Variants in MYO15A observed in about 807,000 individuals in gnomAD.
MYO15A encodes the protein myosin XVA.
In MYO15A, 308 loss-of-function variants were observed where a neutral mutation model predicts 394.6. That is an observed-to-expected ratio of 0.78 (90% CI 0.71 to 0.86). The LOEUF is 0.86. Among genes scored for constraint, MYO15A ranks in the 40% least tolerant of loss-of-function variants. The pLI, the probability that MYO15A is intolerant of heterozygous loss-of-function variation, is 0.00. For synonymous variants in MYO15A, 1,957 were observed against 2,003.8 expected (o/e 0.98, Z 0.62); for missense variants, 4,606 against 4,799.1 (o/e 0.96, Z 1.19).
chr17:18,149,943 C>G (rs1372679598), intron 35 of MYO15A: 3 of 236,308 alleles, frequency 1.3e-5, no homozygotes, highest in Non-Finnish European at 2.3e-5. Context: ...ACAACAAGAC[C>G]CTGTCTCAAA....
chr17:18,127,832 A>AAGAT (rs1555541553), intron 7 of MYO15A, among the ~76,000 whole-genome samples: 4 of 40,564 alleles, frequency 9.9e-5, no homozygotes, highest in African/African-American at 2.2e-4. Flanking sequence ...AAGAAAAAAA[A>AAGAT]AGATATATAT....
chr17:18,150,878 C>T lies in MYO15A; in HGVS notation c.7438C>T (p.Pro2480Ser). The T allele has an allele frequency of 6.3e-7, 1 of 1,598,260 alleles. No homozygotes were observed. Among genetic ancestry groups the T allele is most frequent in the South Asian group, 1.1e-5 (1 of 89,058 alleles). ...GCAGGCCACGGCACTCCAGCAGCAG[C>T]CCCTGAGTGCTGCCCTGAGATCCTT... is the stretch of plus-strand genomic sequence containing the variant. ...TLQATALQQQ[P>S]LSAALRSLPA... is the part of the protein sequence containing the mutation. The change falls in exon 38 of 66, where the codon CCC becomes TCC. Residue 2480 changes from proline (P) to serine (S), a missense_variant. Physicochemically the swap from Pro to Ser is moderately conservative, Grantham distance 74. Around this residue, in one of 2 missense-constraint regions of MYO15A, gnomAD observed 2,776 missense variants for 3,109.3 expected, o/e 0.89. Transcript: ENST00000647165. The surrounding 1 kb of genome is among the most constrained non-coding windows in gnomAD (Gnocchi z 4.4).
chr17:18,151,644 T>C (rs1210525608), intron 40 of MYO15A, 117 bp downstream of exon 40: 3 of 1,390,746 alleles, frequency 2.2e-6, no homozygotes, highest in Middle Eastern at 2.0e-4. Context: ...GGGAGGGAGT[T>C]TCTTTATACT....
chr17:18,120,056 C>T lies in MYO15A; in HGVS notation c.1256C>T (p.Pro419Leu), dbSNP rs1439223481. 5 of 1,613,474 alleles carry T rather than the reference C, an allele frequency of 3.1e-6. No homozygotes were observed. The highest frequency in any genetic ancestry group is 1.3e-5 in the African/African-American group (1 of 75,058). The change falls in exon 2 of 66, where the codon CCG becomes CTG. Residue 419 changes from proline (P) to leucine (L), a missense_variant. Transcript: ENST00000647165. ...FVYPWVPPPI[P>L]SPHNPYAHAM... is the part of the protein sequence containing the mutation. The stretch of plus-strand genomic sequence containing the variant: ...TACCCCTGGGTACCACCGCCCATCC[C>T]GTCGCCCCACAACCCGTATGCCCAC...
At position 18,171,722 on chromosome 17, in the gene MYO15A, G is replaced by A. The variant is rs1215452827; in HGVS notation, c.10167G>A (p.Arg3389=). Residue 3389 remains arginine, a synonymous_variant, in exon 63 of 66, where the codon CGG becomes CGA. Coordinates refer to ENST00000647165, the MANE Select transcript of MYO15A (RefSeq NM_016239.4). ...GGCTCAACCTGGTCAGCCAGCACCG[G>A]CAGCAGACACAGGCGCTCAGCCCCC... ...STWLNLVSQH[R]QQTQALSPHQ... The A allele has an allele frequency of 6.2e-7, 1 of 1,612,634 alleles. No homozygotes were observed. The highest frequency in any genetic ancestry group is 8.5e-7 in the Non-Finnish European group (1 of 1,180,012).
In MYO15A at chr17:18,152,100, G is replaced by A. The variant is rs1392292249; in HGVS notation, c.7894-12G>A. 2 of 1,551,440 alleles carry A rather than the reference G, an allele frequency of 1.3e-6. No individual in the cohort carries two copies. The highest frequency in any genetic ancestry group is 2.7e-5 in the African/African-American group (2 of 73,172). ...CTGTTGCCCCCTGAGCAGTCTCTTT[G>A]GGGTGGGACAGGTGTCCAGAGAGGC... On this transcript the variant is annotated splice_polypyrimidine_tract_variant and intron_variant, in intron 41 of 65. Coordinates refer to ENST00000647165, the MANE Select transcript of MYO15A (RefSeq NM_016239.4).
rs138861831 is a variant in MYO15A at position 18,138,127 on chromosome 17, C to T, written c.4888C>T (p.Arg1630Cys). ...VFQEEQEEYI[R>C]EQIDWQEITF... ...CCACTGCCTGCAGGAGGAGTACATC[C>T]GTGAGCAGATAGACTGGCAGGAGAT... Residue 1630 changes from arginine (R) to cysteine (C), a missense_variant, in exon 17 of 66, where the codon CGT (arginine) becomes TGT (cysteine). Arg to Cys is a radical substitution (Grantham distance 180). This residue lies in a region of MYO15A where 2,776 missense variants were observed against 3,109.3 expected (regional missense o/e 0.89). Transcript: ENST00000647165. 6.3e-4 allele frequency: 1,022 copies of T among 1,612,058 alleles called. 5 individuals carry two copies. The African/African-American group carries it at 9.5e-3, about 15-fold the overall frequency.
chr17:18,153,948 G>A lies in MYO15A; in HGVS notation c.8088+52G>A, dbSNP rs753349241. 1.2e-6 allele frequency: 2 copies of A among 1,610,148 alleles called. No homozygotes were observed. Among genetic ancestry groups the A allele is most frequent in the South Asian group, 1.1e-5 (1 of 90,970 alleles). On this transcript the variant is annotated intron_variant, in intron 43 of 65. Coordinates refer to ENST00000647165, the MANE Select transcript of MYO15A (RefSeq NM_016239.4). The surrounding 1 kb of genome is among the most constrained non-coding windows in gnomAD (Gnocchi z 4.1). ...AGGGGCTGAAGCGGGGCAGGGGAGG[G>A]GCTGAAGCGAGCAGAGGAGGGTCTA...
chr17:18,175,070 TCTC>T (rs898658707), intron 65 of MYO15A, among the ~76,000 whole-genome samples: 6 of 148,256 alleles, frequency 4.0e-5, no homozygotes, highest in African/African-American at 1.5e-4. Context: ...TCTGTGGTGT[TCTC>T]CTACCTCTTT....
rs574570317 is a variant in MYO15A at position 18,148,386 on chromosome 17, G to A, written c.6692-110G>A. 159 of 1,472,540 alleles carry A rather than the reference G, an allele frequency of 1.1e-4. 1 individual carries two copies. In the East Asian group the frequency reaches 3.9e-3, roughly 36 times the overall value. 91.2% of individuals were successfully genotyped at this position (1,472,540 alleles called of 1,614,324 possible). A position where few individuals can be genotyped will look rare whatever the true frequency, so the allele number is the denominator to read the frequency against. On this transcript the variant is annotated intron_variant, in intron 31 of 65. Coordinates refer to ENST00000647165, the MANE Select transcript of MYO15A (RefSeq NM_016239.4). The surrounding 1 kb of genome is among the most constrained non-coding windows in gnomAD (Gnocchi z 4.8). ...ACCTGGCCCAGGAAAGGGGAGCCAG[G>A]GAAGTGAGGCTACAGATACAGGAAG... is the stretch of plus-strand genomic sequence containing the variant.
At chr17:18,177,060 TCCTTGCA>T (rs1311299855) in intron 65 of MYO15A, 2 of 152,380 alleles carry the variant, frequency 1.3e-5, no homozygotes, top group East Asian at 3.9e-4. Flanking sequence ...TTTTCCCACT[TCCTTGCA>T]GCACCACCTG....
chr17:18,179,604 T>A lies in MYO15A; in HGVS notation c.*734T>A, dbSNP rs1327310532. The A allele has an allele frequency of 6.5e-6, 1 of 152,746 alleles. No individual in the cohort carries two copies. The highest frequency in any genetic ancestry group is 2.4e-5 in the African/African-American group (1 of 41,370). The allele number at this position is 152,746 out of a possible 1,614,324, so 9.5% of individuals were successfully genotyped here. A position where few individuals can be genotyped will look rare whatever the true frequency, so the allele number is the denominator to read the frequency against. ...GTTTGGGAAAAGCCTTCTTGGAAAATGGGACATTAGCATTGAGTTTTGAAA... is the reference window on the plus strand; with the variant it reads ...GTTTGGGAAAAGCCTTCTTGGAAAAAGGGACATTAGCATTGAGTTTTGAAA... On this transcript the variant is annotated 3_prime_UTR_variant, in exon 66 of 66. Transcript: ENST00000647165.
chr17:18,167,075 C>T (rs753510727), intron 61 of MYO15A, among the ~76,000 whole-genome samples: 5 of 152,206 alleles, frequency 3.3e-5, no homozygotes, highest in African/African-American at 7.2e-5. Context: ...AATATGGTCA[C>T]GTAGATTTTG....
At position 18,121,941 on chromosome 17, in the gene MYO15A, C is replaced by T. The variant is rs368611576; in HGVS notation, c.3141C>T (p.Pro1047=). The T allele has an allele frequency of 5.0e-6, 8 of 1,613,314 alleles. No homozygotes were observed. In the East Asian group the frequency reaches 1.1e-4, roughly 22 times the overall value. The change falls in exon 2 of 66, where the codon CCC becomes CCT. Residue 1047 remains proline (P), a synonymous_variant. Coordinates refer to ENST00000647165, the MANE Select transcript of MYO15A (RefSeq NM_016239.4). This position sits in a 1 kb window ranked among gnomAD's most constrained non-coding sequence, Gnocchi z 5.3. ...CTCCCCCCAAGGATATCACTCCCCC[C>T]AAGGATGTCCTCCCAGAGCAAAAGA... ...DVTPPKDITP[P]KDVLPEQKTL...
At chr17:18,144,135 A>G (rs1477385214) in intron 28 of MYO15A, 135 bp downstream of exon 28, 3 of 1,431,298 alleles carry the variant, frequency 2.1e-6, no homozygotes, top group Non-Finnish European at 2.9e-6. Flanking sequence ...TTGCTGGATC[A>G]TAGGGAATCT....
intron 61 of MYO15A, among the ~76,000 whole-genome samples, chr17:18,167,068 A>G (rs1319810429): frequency 6.6e-6 from 1 of 152,208 alleles, no homozygotes; most frequent in Non-Finnish European, 1.5e-5. Context: ...TGTACACAAT[A>G]TGGTCACGTA....
chr17:18,172,418 C>T, intron 64 of MYO15A, 128 bp downstream of exon 64: 1 of 1,360,332 alleles, frequency 7.4e-7, no homozygotes, highest in South Asian at 1.2e-5. Context: ...TGATCTCAGG[C>T]AAGTCTCTTC....
At chr17:18,128,680 G>T (rs1330413692) in intron 7 of MYO15A, among the ~76,000 whole-genome samples, 1 of 152,240 alleles carries the variant, frequency 6.6e-6, no homozygotes, top group Non-Finnish European at 1.5e-5. Flanking sequence ...GCCAGGCACA[G>T]TGCTGGGTTC....
Position 18,148,651 on chromosome 17 carries a change from A to G in MYO15A, c.6764+83A>G. 6.5e-7 allele frequency: 1 copy of G among 1,543,074 alleles called. No homozygotes were observed. Among genetic ancestry groups the G allele is most frequent in the Non-Finnish European group, 8.8e-7 (1 of 1,140,288 alleles). ...GAGGTCAGATCCCCCAGAGGGTCCC[A>G]TAGGGTCCATTCTGTTCATGTTTAG... On this transcript the variant is annotated intron_variant, in intron 32 of 65. Coordinates refer to ENST00000647165, the MANE Select transcript of MYO15A (RefSeq NM_016239.4). This position sits in a 1 kb window ranked among gnomAD's most constrained non-coding sequence, Gnocchi z 4.8.
Sources: allele counts gnomAD v4.1 joint callset (sites outside exome capture counted in the v4.1 genomes callset), GRCh38; gene constraint gnomAD v4.1.1; regional missense constraint gnomAD v4.1.1; non-coding constraint Gnocchi (gnomAD v3.1); transcripts MANE v1.5; gene names NCBI Gene and HGNC (gene_info 2026-07-23, HGNC 2026-07-21).